PNLDC1: variants seen among roughly 807,000 people sequenced by gnomAD.
PNLDC1 encodes the protein poly(A)-specific ribonuclease PNLDC1.
PNLDC1 carries 70 observed loss-of-function variants against 82.0 expected under a neutral mutation model. That is an observed-to-expected ratio of 0.85 (90% confidence interval 0.70 to 1.04). The LOEUF is 1.04. PNLDC1 is among the 50% of genes least tolerant of loss of function. The pLI, the probability that PNLDC1 is intolerant of heterozygous loss-of-function variation, is 0.00. For missense variants in PNLDC1, 631 were observed against 661.1 expected (o/e 0.95, Z 0.50); for synonymous variants, 280 against 249.3 (o/e 1.12, Z -1.16).
rs759762826 is a variant in PNLDC1, at chr6:159,808,787, A to G, written c.610A>G (p.Asn204Asp). ...ACTGGTGCTGAGGCAGGCCCTCCCC[A>G]ACATCTGGACGGTGCTGAAAGATGA... ...VQLVLRQALP[N>D]IWTVLKDEGV... is the part of the protein sequence containing the mutation. The change falls in exon 8 of 19, where the codon AAC (asparagine) becomes GAC (aspartate). Residue 204 changes from asparagine to aspartate, a missense_variant. Transcript: ENST00000392167. The G allele has an allele frequency of 1.9e-6, 3 of 1,614,042 alleles. No individual in the cohort carries two copies. In the East Asian group the frequency reaches 6.7e-5, roughly 36 times the overall value.
chr6:159,812,938 A>G (rs1341615471), intron 11 of PNLDC1, among the ~76,000 whole-genome samples: 1 of 152,096 alleles, frequency 6.6e-6, no homozygotes. Flanking sequence ...TGGGAGGATC[A>G]CTTAAAGCCC....
In PNLDC1 at chr6:159,804,560, C is replaced by A; in HGVS notation, c.384C>A (p.Asn128Lys). The change falls in exon 6 of 19, where the codon AAC becomes AAA. Residue 128 changes from asparagine (N) to lysine (K), a missense_variant. Asn to Lys is a moderately conservative substitution (Grantham distance 94). Coordinates refer to ENST00000392167, the MANE Select transcript of PNLDC1 (RefSeq NM_001271862.2). ...GTTTCTGTCTTAAGTTTCTCAAAAA[C>A]GGAATCCCATATATGAATGAAGAAC... ...YGFNYNKFLK[N>K]GIPYMNEEQE... 1 of 1,599,706 alleles carries A rather than the reference C, an allele frequency of 6.3e-7. No individual in the cohort carries two copies. The highest frequency in any genetic ancestry group is 8.6e-7 in the Non-Finnish European group (1 of 1,167,002).
At chr6:159,805,661 A>T (rs1200757443) in intron 6 of PNLDC1, 1 of 248,064 alleles carries the variant, frequency 4.0e-6, no homozygotes, top group Non-Finnish European at 8.2e-6. Context: ...TCACCCCTGA[A>T]AGCTGAATAA....
Position 159,816,517 on chromosome 6 carries a change from T to C in PNLDC1, c.1061-26T>C, listed in dbSNP as rs377119918. ...TGTTTCTAATGACTGCTCAATTCTC[T>C]GTCCTCCTGGTGGAAAATGCCTCAG... On this transcript the variant is annotated intron_variant, in intron 13 of 18. Coordinates refer to ENST00000392167, the MANE Select transcript of PNLDC1 (RefSeq NM_001271862.2). The C allele has an allele frequency of 5.8e-5, 94 of 1,611,958 alleles. No individual in the cohort carries two copies. The African/African-American group carries it at 1.2e-3, about 21-fold the overall frequency.
At chr6:159,809,192 G>T in intron 9 of PNLDC1, 34 bp downstream of exon 9, 3 of 1,608,186 alleles carry the variant, frequency 1.9e-6, no homozygotes, top group Non-Finnish European at 2.5e-6. Flanking sequence ...TGGCCTAAAG[G>T]CAGTCTTTAG....
At chr6:159,811,553 T>G in intron 10 of PNLDC1, 148 bp from the exon 11 acceptor site, 2 of 617,428 alleles carry the variant, frequency 3.2e-6, no homozygotes, top group Admixed American at 3.0e-5. Context: ...AAATCCTTAG[T>G]GGCTAGGATT....
intron 18 of PNLDC1, 95 bp from the exon 19 acceptor site, chr6:159,820,359 G>C: frequency 8.6e-7 from 1 of 1,167,954 alleles, no homozygotes; most frequent in Non-Finnish European, 1.3e-6. Context: ...GAACATCTGA[G>C]TGCACGGGGC....
intron 5 of PNLDC1, 77 bp from the exon 6 acceptor site, chr6:159,804,472 G>T: frequency 1.0e-6 from 1 of 985,278 alleles, no homozygotes; most frequent in Non-Finnish European, 1.6e-6. Flanking sequence ...CTTTCTACCT[G>T]TCCTCGTGAA....
intron 2 of PNLDC1, 77 bp from the exon 3 acceptor site, chr6:159,801,036 G>T: frequency 6.6e-7 from 1 of 1,524,828 alleles, no homozygotes; most frequent in East Asian, 2.3e-5. Context: ...GGTTGCGAGT[G>T]GTGGTCCTGC....
At position 159,819,602 on chromosome 6, in the gene PNLDC1, G is replaced by A. The variant is rs759882926; in HGVS notation, c.1532+250G>A. On this transcript the variant is annotated intron_variant, in intron 18 of 18. Coordinates refer to ENST00000392167, the MANE Select transcript of PNLDC1 (RefSeq NM_001271862.2). The surrounding 1 kb of genome is among the most constrained non-coding windows in gnomAD (Gnocchi z 4.6). Reference sequence around the variant, plus strand: ...AGCAGAAAATCCCTGCTCTCGTGGAGCTCACGTGCTGGGGGAGACAAACAG... The same window carrying A: ...AGCAGAAAATCCCTGCTCTCGTGGAACTCACGTGCTGGGGGAGACAAACAG... Among the ~76,000 whole-genome samples, 4 of 152,242 alleles carry A rather than the reference G, an allele frequency of 2.6e-5. No individual in the cohort carries two copies. Among genetic ancestry groups the A allele is most frequent in the Non-Finnish European group, 4.4e-5 (3 of 68,040 alleles).
chr6:159,801,007 C>A, intron 2 of PNLDC1, 106 bp from the exon 3 acceptor site: 1 of 1,478,220 alleles, frequency 6.8e-7, no homozygotes, highest in Non-Finnish European at 9.5e-7. Flanking sequence ...GTTGTTGTAA[C>A]AAGGAAAAAA....
At chr6:159,803,138 A>G in intron 3 of PNLDC1, 133 bp from the exon 4 acceptor site, 1 of 658,432 alleles carries the variant, frequency 1.5e-6, no homozygotes, top group East Asian at 2.7e-5. Flanking sequence ...TTTTGTCATT[A>G]AAGATGTTAT....
rs1234723707 is a variant in PNLDC1 at position 159,819,382 on chromosome 6, T to C, written c.1532+30T>C. 1 of 1,596,980 alleles carries C rather than the reference T, an allele frequency of 6.3e-7. No homozygotes were observed. Among genetic ancestry groups the C allele is most frequent in the Non-Finnish European group, 8.6e-7 (1 of 1,169,080 alleles). Reference sequence around the variant, plus strand: ...GTGACAGGCTGAGGCCACCTGCCTGTCCTGGGGTCCTGGAGTGCCCGGGGT... The same window carrying C: ...GTGACAGGCTGAGGCCACCTGCCTGCCCTGGGGTCCTGGAGTGCCCGGGGT... On this transcript the variant is annotated intron_variant, in intron 18 of 18. Transcript: ENST00000392167. This position sits in a 1 kb window ranked among gnomAD's most constrained non-coding sequence, Gnocchi z 4.6.
intron 6 of PNLDC1, among the ~76,000 whole-genome samples, chr6:159,805,233 C>T (rs951511271): frequency 6.6e-6 from 1 of 152,160 alleles, no homozygotes; most frequent in East Asian, 1.9e-4. Flanking sequence ...GTGACCACAG[C>T]GAGAGCAACA....
Position 159,819,875 on chromosome 6 carries a change from C to T in PNLDC1, c.1532+523C>T, listed in dbSNP as rs1459683033. Among the ~76,000 whole-genome samples the T allele has an allele frequency of 6.6e-6, 1 of 151,994 alleles. No homozygotes were observed. ...GGGGATGCAGGAGAAGGAACCAGTG[C>T]CCCCCAGCTGGGGGCCACCCAGGGA... On this transcript the variant is annotated intron_variant, in intron 18 of 18. Coordinates refer to ENST00000392167, the MANE Select transcript of PNLDC1 (RefSeq NM_001271862.2). The surrounding 1 kb of genome is among the most constrained non-coding windows in gnomAD (Gnocchi z 4.6).
intron 14 of PNLDC1, 72 bp from the exon 15 acceptor site, chr6:159,817,037 C>A: frequency 7.0e-7 from 1 of 1,419,818 alleles, no homozygotes; most frequent in Non-Finnish European, 9.9e-7. Flanking sequence ...TTGGCTTGCA[C>A]ATAATGAGAT....
Position 159,804,485 on chromosome 6 carries a change from C to G in PNLDC1, c.373-64C>G, listed in dbSNP as rs911208771. 13 of 1,115,748 alleles carry G rather than the reference C, an allele frequency of 1.2e-5. No individual in the cohort carries two copies. The African/African-American group carries it at 2.0e-4, about 17-fold the overall frequency. 69.1% of individuals were successfully genotyped at this position (1,115,748 alleles called of 1,614,324 possible). On this transcript the variant is annotated intron_variant, in intron 5 of 18. Transcript: ENST00000392167. ...CCCTTTCTACCTGTCCTCGTGAAATCAGGCACAGAGGATCCCTCTGACTTG... is the reference window on the plus strand; with the variant it reads ...CCCTTTCTACCTGTCCTCGTGAAATGAGGCACAGAGGATCCCTCTGACTTG...
chr6:159,800,115 C>A (rs760829635), upstream of PNLDC1: 40 of 529,180 alleles, frequency 7.6e-5, no homozygotes, highest in African/African-American at 1.2e-4. Flanking sequence ...TGTAGCAAAT[C>A]GTACAATTAA....
Position 159,816,711 on chromosome 6 carries a change from C to T in PNLDC1, c.1114+115C>T. On this transcript the variant is annotated intron_variant, in intron 14 of 18. Transcript: ENST00000392167. ...CAGTGGTGAGGATCTCGGCTCACTG[C>T]AGCCTCTACCTCCTGGGCTCAGGTG... 3.3e-6 allele frequency: 3 copies of T among 904,026 alleles called. No individual in the cohort carries two copies. The South Asian group carries it at 4.1e-5, about 12-fold the overall frequency. 56.0% of individuals were successfully genotyped at this position (904,026 alleles called of 1,614,324 possible). A position where few individuals can be genotyped will look rare whatever the true frequency, so the allele number is the denominator to read the frequency against.
Sources: gnomAD v4.1 joint callset for allele counts (sites outside exome capture counted in the v4.1 genomes callset) on GRCh38, gnomAD v4.1.1 for gene constraint, Gnocchi (gnomAD v3.1) non-coding constraint, MANE v1.5 for transcripts, NCBI Gene and HGNC (gene_info 2026-07-23, HGNC 2026-07-21) for gene names.